Variants in FHIT observed in about 807,000 individuals in gnomAD.
The protein encoded by FHIT is fragile histidine triad diadenosine triphosphatase, also known as bis(5'-adenosyl)-triphosphatase.
A neutral mutation model predicts 17.9 loss-of-function variants in FHIT; 19 were observed. That is an observed-to-expected ratio of 1.06 (90% confidence interval 0.74 to 1.56). FHIT has a LOEUF of 1.56. Among genes scored for constraint, FHIT ranks in the 40% most tolerant of loss-of-function variants. The probability of loss-of-function intolerance (pLI) is 0.00; values close to 1 mark genes in which losing one functional copy is unlikely to be tolerated. For synonymous variants in FHIT, 81 were observed against 69.7 expected (o/e 1.16, Z -0.81); for missense variants, 248 against 189.2 (o/e 1.31, Z -1.82).
At chr3:60,050,776 T>C (rs1329385158) in intron 5 of FHIT, among the ~76,000 whole-genome samples, 1 of 152,182 alleles carries the variant, frequency 6.6e-6, no homozygotes, top group Non-Finnish European at 1.5e-5. Flanking sequence ...GATCCAGGCA[T>C]CTCCAAGATT....
At chr3:60,339,646 T>C (rs1033384694) in intron 5 of FHIT, among the ~76,000 whole-genome samples, 1 of 152,196 alleles carries the variant, frequency 6.6e-6, no homozygotes. Flanking sequence ...AAGGAAATAT[T>C]TGTAGCCAAC....
chr3:61,115,792 G>C (rs1232507545), intron 2 of FHIT, among the ~76,000 whole-genome samples: 2 of 152,154 alleles, frequency 1.3e-5, no homozygotes, highest in African/African-American at 4.8e-5. Context: ...TTGTAGGAAA[G>C]TATAGGGCCT....
chr3:59,876,911 G>C (rs79065328), intron 8 of FHIT, among the ~76,000 whole-genome samples: 3 of 152,096 alleles, frequency 2.0e-5, no homozygotes, highest in Non-Finnish European at 4.4e-5. Flanking sequence ...ATACAATTCC[G>C]GTCATTCACA....
intron 5 of FHIT, among the ~76,000 whole-genome samples, chr3:60,406,039 T>A (rs888765708): frequency 1.3e-5 from 2 of 152,148 alleles, no homozygotes; most frequent in South Asian, 4.1e-4. Context: ...TTATTAGATA[T>A]TTGTAGTAAT....
At chr3:60,691,096 C>A (rs11928674) in intron 4 of FHIT, among the ~76,000 whole-genome samples, 1 of 151,908 alleles carries the variant, frequency 6.6e-6, no homozygotes, top group Non-Finnish European at 1.5e-5. Flanking sequence ...GCCTGGAGTA[C>A]GGAAAGTCCC....
At chr3:60,728,464 T>TA in intron 4 of FHIT, among the ~76,000 whole-genome samples, 1 of 152,234 alleles carries the variant, frequency 6.6e-6, no homozygotes, top group East Asian at 1.9e-4. Flanking sequence ...TTTTTGCAGG[T>TA]AAAATGAGAT....
chr3:60,015,013 CAT>C (rs1486991378), intron 5 of FHIT, among the ~76,000 whole-genome samples: 12 of 152,320 alleles, frequency 7.9e-5, no homozygotes, highest in Middle Eastern at 3.4e-3. Flanking sequence ...TGTATGCACA[CAT>C]GTGTATATAC....
chr3:60,597,632 C>T (rs1423458968), intron 4 of FHIT, among the ~76,000 whole-genome samples: 1 of 152,046 alleles, frequency 6.6e-6, no homozygotes, highest in Non-Finnish European at 1.5e-5. Flanking sequence ...GTCTCTAATG[C>T]CAAGGAAATG....
intron 5 of FHIT, among the ~76,000 whole-genome samples, chr3:60,084,640 A>C (rs1262384604): frequency 2.6e-5 from 4 of 152,204 alleles, no homozygotes; most frequent in Non-Finnish European, 4.4e-5. Context: ...ATATAAAAAG[A>C]TGAGACAGAG....
chr3:61,155,347 A>C (rs1429586343), intron 2 of FHIT, among the ~76,000 whole-genome samples: 2 of 152,242 alleles, frequency 1.3e-5, no homozygotes, highest in African/African-American at 4.8e-5. Flanking sequence ...AATTGATTGA[A>C]TTAAACTGAA....
intron 7 of FHIT, among the ~76,000 whole-genome samples, chr3:59,988,063 T>C (rs2107463359): frequency 6.6e-6 from 1 of 151,970 alleles, no homozygotes; most frequent in African/African-American, 2.4e-5. Flanking sequence ...ATTTGGGAGG[T>C]TTATAGGGAA....
chr3:60,893,207 C>T (rs1300452239), intron 3 of FHIT, among the ~76,000 whole-genome samples: 1 of 152,096 alleles, frequency 6.6e-6, no homozygotes, highest in Non-Finnish European at 1.5e-5. Flanking sequence ...ACTCCAGGAA[C>T]CAGCCTTGGT....
chr3:60,902,043 T>G (rs1706141509), intron 3 of FHIT, among the ~76,000 whole-genome samples: 1 of 152,160 alleles, frequency 6.6e-6, no homozygotes, highest in African/African-American at 2.4e-5. Context: ...ATAGTAAAAT[T>G]TACACTTTTA....
At chr3:61,084,881 T>G (rs1390631410) in intron 2 of FHIT, among the ~76,000 whole-genome samples, 1 of 152,184 alleles carries the variant, frequency 6.6e-6, no homozygotes, top group Admixed American at 6.5e-5. Flanking sequence ...GTTTTGCCCT[T>G]TCTAAAAATT....
chr3:60,968,091 G>C (rs746336529), intron 3 of FHIT, among the ~76,000 whole-genome samples: 1 of 152,230 alleles, frequency 6.6e-6, no homozygotes, highest in Non-Finnish European at 1.5e-5. Flanking sequence ...TGTCCAGTCT[G>C]ATCCAAGGTG....
At chr3:60,941,139 G>A (rs1036991687) in intron 3 of FHIT, among the ~76,000 whole-genome samples, 4 of 152,164 alleles carry the variant, frequency 2.6e-5, no homozygotes, top group African/African-American at 4.8e-5. Flanking sequence ...AATCCAGCAT[G>A]TATATTCCAC....
Position 60,240,676 on chromosome 3 carries a change from G to A in FHIT, c.104-226524C>T, listed in dbSNP as rs113845049. Among the ~76,000 whole-genome samples the A allele has an allele frequency of 2.1e-3, 318 of 152,274 alleles. 1 individual carries two copies. The highest frequency in any genetic ancestry group is 7.3e-3 in the African/African-American group (304 of 41,566). On this transcript the variant is annotated intron_variant, in intron 5 of 9. Coordinates refer to ENST00000492590, the MANE Select transcript of FHIT (RefSeq NM_002012.4). ...ATGATAAATGCAGAGGACTTGGGAG[G>A]GAAGCCTGTTCTGCAATAATTGAGA... is the stretch of plus-strand genomic sequence containing the variant.
intron 4 of FHIT, among the ~76,000 whole-genome samples, chr3:60,609,957 T>C (rs1332829514): frequency 1.3e-5 from 2 of 152,256 alleles, no homozygotes; most frequent in East Asian, 1.9e-4. Context: ...TGATTTTAAT[T>C]GGTGCTATAA....
chr3:60,896,625 T>C (rs955364011), intron 3 of FHIT, among the ~76,000 whole-genome samples: 4 of 152,250 alleles, frequency 2.6e-5, no homozygotes, highest in African/African-American at 7.2e-5. Flanking sequence ...TGTTGTTTGA[T>C]TGAAGGCCAT....
Sources: allele counts gnomAD v4.1 joint callset (sites outside exome capture counted in the v4.1 genomes callset), GRCh38; gene constraint gnomAD v4.1.1; transcripts MANE v1.5; gene names NCBI Gene and HGNC (gene_info 2026-07-23, HGNC 2026-07-21).